Variants in CACNA2D3 observed in about 807,000 individuals in gnomAD.
CACNA2D3 encodes calcium voltage-gated channel auxiliary subunit alpha2delta 3.
In CACNA2D3, 60 loss-of-function variants were observed where a neutral mutation model predicts 160.6. That is an observed-to-expected ratio of 0.37 (90% CI 0.30 to 0.46). CACNA2D3 has a LOEUF of 0.46. Among genes scored for constraint, CACNA2D3 ranks in the 20% least tolerant of loss-of-function variants. The probability of loss-of-function intolerance (pLI) is 1.00; values close to 1 mark genes in which losing one functional copy is unlikely to be tolerated. For synonymous variants in CACNA2D3, 558 were observed against 492.9 expected, an observed-to-expected ratio of 1.13 and a Z score of -1.75; for missense variants, 1,205 against 1,365.0, an observed-to-expected ratio of 0.88 and a Z score of 1.85.
Position 54,650,609 on chromosome 3 carries a change from C to T in CACNA2D3, c.1167+8368C>T, listed in dbSNP as rs1316966773. Among the ~76,000 whole-genome samples, 6 of 152,296 alleles carry T rather than the reference C, an allele frequency of 3.9e-5. No homozygotes were observed. The East Asian group carries it at 7.7e-4, about 20-fold the overall frequency. ...TGAACTTCTGACGTCAAGTGATCCACCTGCCTCGGCCTCCCAAAGTGCTAC... is the reference window on the plus strand; with the variant it reads ...TGAACTTCTGACGTCAAGTGATCCATCTGCCTCGGCCTCCCAAAGTGCTAC... On this transcript the variant is annotated intron_variant, in intron 11 of 37. Coordinates refer to ENST00000474759, the MANE Select transcript of CACNA2D3 (RefSeq NM_018398.3).
intron 4 of CACNA2D3, among the ~76,000 whole-genome samples, chr3:54,474,409 C>T (rs1274526738): frequency 1.3e-5 from 2 of 151,406 alleles, no homozygotes; most frequent in Middle Eastern, 3.4e-3. Context: ...GGGGTGGGGG[C>T]CTAGGGGAGG....
intron 11 of CACNA2D3, among the ~76,000 whole-genome samples, chr3:54,654,930 T>C (rs1453280488): frequency 1.3e-5 from 2 of 152,170 alleles, no homozygotes; most frequent in African/African-American, 4.8e-5. Context: ...CATCCTCCTA[T>C]TGACCTTATT....
intron 14 of CACNA2D3, among the ~76,000 whole-genome samples, chr3:54,822,452 C>G (rs560034939): frequency 6.6e-6 from 1 of 152,330 alleles, no homozygotes; most frequent in African/African-American, 2.4e-5. Context: ...GTGTCTGTGG[C>G]AGCCCAGACA....
chr3:54,807,372 A>G (rs1377102495), intron 13 of CACNA2D3, among the ~76,000 whole-genome samples: 1 of 152,054 alleles, frequency 6.6e-6, no homozygotes, highest in African/African-American at 2.4e-5. Flanking sequence ...AAAACAAACA[A>G]CCCCATCAAA....
At chr3:54,573,703 AATGTCT>A (rs1458341309) in intron 8 of CACNA2D3, among the ~76,000 whole-genome samples, 1 of 152,194 alleles carries the variant, frequency 6.6e-6, no homozygotes, top group Admixed American at 6.5e-5. Flanking sequence ...CACCTACCAG[AATGTCT>A]ACCAAACAGG....
At chr3:54,834,862 G>C (rs754721293) in intron 14 of CACNA2D3, among the ~76,000 whole-genome samples, 12 of 152,222 alleles carry the variant, frequency 7.9e-5, no homozygotes, top group Non-Finnish European at 1.6e-4. Context: ...TGATGTTGCA[G>C]TCTTGAGTTT....
At chr3:54,151,843 C>T (rs2107283798) in intron 2 of CACNA2D3, among the ~76,000 whole-genome samples, 1 of 152,278 alleles carries the variant, frequency 6.6e-6, no homozygotes, top group East Asian at 1.9e-4. Flanking sequence ...CCTTTATCTC[C>T]CCCTGCCCCC....
chr3:54,995,695 G>A (rs1702840676), intron 31 of CACNA2D3, among the ~76,000 whole-genome samples: 1 of 152,112 alleles, frequency 6.6e-6, no homozygotes, highest in South Asian at 2.1e-4. Flanking sequence ...TTAATCACTT[G>A]GCCTTACCTC....
chr3:54,464,947 A>G (rs1286346115), intron 4 of CACNA2D3, among the ~76,000 whole-genome samples: 2 of 151,900 alleles, frequency 1.3e-5, no homozygotes, highest in African/African-American at 4.8e-5. Context: ...GCCTTTTCCC[A>G]TCTCTTCTCC....
chr3:54,133,993 C>T (rs1352829650), intron 2 of CACNA2D3, among the ~76,000 whole-genome samples: 1 of 152,180 alleles, frequency 6.6e-6, no homozygotes, highest in African/African-American at 2.4e-5. Flanking sequence ...CAGAACTGTA[C>T]ACCCAGGAAG....
chr3:54,803,308 T>C (rs896931716), intron 13 of CACNA2D3, among the ~76,000 whole-genome samples: 1 of 152,022 alleles, frequency 6.6e-6, no homozygotes, highest in Admixed American at 6.5e-5. Flanking sequence ...GTTGAAAACT[T>C]TGAAAAAAAT....
At chr3:54,806,621 A>C (rs895473615) in intron 13 of CACNA2D3, among the ~76,000 whole-genome samples, 1 of 152,230 alleles carries the variant, frequency 6.6e-6, no homozygotes, top group African/African-American at 2.4e-5. Context: ...GAGAATGGCC[A>C]TGCTGCCCAA....
chr3:54,528,674 C>T lies in CACNA2D3; in HGVS notation c.544+25020C>T, dbSNP rs538062174. On this transcript the variant is annotated intron_variant, in intron 5 of 37. Transcript: ENST00000474759. ...AACACACGTTTTTTTATGCCAGATA[C>T]GTGTGAACCTTTCCTCTAATTATTC... 1.2e-3 allele frequency among the ~76,000 whole-genome samples: 177 copies of T among 152,244 alleles called. 1 individual carries two copies. The highest frequency in any genetic ancestry group is 5.0e-3 in the Admixed American group (76 of 15,310).
intron 5 of CACNA2D3, among the ~76,000 whole-genome samples, chr3:54,505,137 A>G (rs1025376423): frequency 1.3e-5 from 2 of 152,140 alleles, no homozygotes; most frequent in African/African-American, 4.8e-5. Context: ...CCTGTTATCC[A>G]TCCTTAAGAG....
chr3:54,930,529 G>A (rs1296569792), intron 27 of CACNA2D3, among the ~76,000 whole-genome samples: 2 of 152,200 alleles, frequency 1.3e-5, no homozygotes, highest in Admixed American at 6.5e-5. Flanking sequence ...GCCTGAAAAT[G>A]ATCAATCTAT....
intron 3 of CACNA2D3, among the ~76,000 whole-genome samples, chr3:54,363,256 C>T (rs1254449546): frequency 1.3e-5 from 2 of 152,014 alleles, no homozygotes; most frequent in African/African-American, 4.8e-5. Context: ...AAGTATTATA[C>T]TACAGAGTAT....
At chr3:55,064,316 A>G (rs1418463117) in intron 35 of CACNA2D3, among the ~76,000 whole-genome samples, 1 of 152,186 alleles carries the variant, frequency 6.6e-6, no homozygotes, top group Non-Finnish European at 1.5e-5. Flanking sequence ...TGCCCCTGCT[A>G]AGTCACCCAC....
chr3:54,306,581 A>C (rs1022118212), intron 2 of CACNA2D3, among the ~76,000 whole-genome samples: 8 of 152,186 alleles, frequency 5.3e-5, no homozygotes, highest in African/African-American at 1.9e-4. Flanking sequence ...GAGTGGTGAG[A>C]AGGACCATGG....
At chr3:54,807,623 C>A (rs1223245387) in intron 13 of CACNA2D3, among the ~76,000 whole-genome samples, 1 of 151,474 alleles carries the variant, frequency 6.6e-6, no homozygotes. Context: ...TAAACTAGTT[C>A]AACCATTGTG....
Sources: allele counts gnomAD v4.1 joint callset (sites outside exome capture counted in the v4.1 genomes callset), GRCh38; gene constraint gnomAD v4.1.1; transcripts MANE v1.5; gene names NCBI Gene and HGNC (gene_info 2026-07-23, HGNC 2026-07-21).